Variants in POM121 observed in about 807,000 individuals in gnomAD.
The protein encoded by POM121 is nuclear envelope pore membrane protein POM 121.
POM121 carries 32 observed loss-of-function variants against 81.3 expected under a neutral mutation model. The ratio of observed to expected loss-of-function variants is 0.39; its 90% CI spans 0.30 to 0.53. The LOEUF (loss-of-function observed/expected upper bound fraction) is 0.53, where lower values mean the gene tolerates loss of function less well. POM121 is among the 20% of genes least tolerant of loss of function. The probability of loss-of-function intolerance (pLI) is 0.66; values close to 1 mark genes in which losing one functional copy is unlikely to be tolerated. For synonymous variants in POM121, 514 were observed against 694.2 expected, an observed-to-expected ratio of 0.74 and a Z score of 4.08; for missense variants, 1,138 against 1,614.6, an observed-to-expected ratio of 0.70 and a Z score of 5.06.
intron 3 of POM121, among the ~76,000 whole-genome samples, chr7:72,908,544 C>T (rs1442032172): frequency 5.3e-5 from 8 of 152,104 alleles, no homozygotes; most frequent in African/African-American, 9.7e-5. Context: ...AGCAGACAAC[C>T]GGTTTGACCA....
At chr7:72,913,971 ATG>A (rs1554494726) in intron 4 of POM121, 1 of 152,072 alleles carries the variant, frequency 6.6e-6, no homozygotes, top group African/African-American at 2.4e-5. Context: ...GGTCGGGGTT[ATG>A]TCTCTTTTCT....
upstream of POM121, among the ~76,000 whole-genome samples, chr7:72,923,112 A>ACCC (rs1794972064): frequency 1.6e-4 from 7 of 44,770 alleles, no homozygotes; most frequent in Admixed American, 4.8e-4. Flanking sequence ...GCTCCCCCCC[A>ACCC]ACCCCCCCCC....
Position 72,930,009 on chromosome 7 carries a change from C to G in POM121, c.1173C>G (p.Ser391Arg), listed in dbSNP as rs201520935. 2.5e-6 allele frequency: 4 copies of G among 1,614,018 alleles called. No homozygotes were observed. In the East Asian group the frequency reaches 8.9e-5, roughly 36 times the overall value. Residue 391 changes from serine to arginine, a missense_variant, in exon 5 of 13, where the codon AGC becomes AGG. By Grantham distance (110) the Ser-to-Arg change is moderately radical. Transcript: ENST00000434423. ...ACCACTTGAATAAGAGATCCCGAAG[C>G]TCTTCCATGAGCTCCTTGACAGGCG... Reference protein sequence around the residue: ...SDDHLNKRSRSSSMSSLTGAY... With the variant: ...SDDHLNKRSRRSSMSSLTGAY...
rs1390792646 is a variant in POM121 at position 72,881,133 on chromosome 7, C to T, written c.-521+1248C>T. 4.8e-5 allele frequency among the ~76,000 whole-genome samples: 7 copies of T among 146,406 alleles called. No individual in the cohort carries two copies. In the East Asian group the frequency reaches 6.0e-4, roughly 13 times the overall value. On this transcript the variant is annotated intron_variant, in intron 1 of 15. Coordinates refer to the POM121 transcript ENST00000395270. Reference sequence around the variant, plus strand: ...AGTCTGGAATGCAACAGCGTGGTCTCGGCTCACTGCAACTTCCACCTCCCA... The same window carrying T: ...AGTCTGGAATGCAACAGCGTGGTCTTGGCTCACTGCAACTTCCACCTCCCA...
At chr7:72,894,696 C>T (rs11762720) in intron 3 of POM121, among the ~76,000 whole-genome samples, 12,804 of 145,534 alleles carry the variant, frequency 0.088, 807 homozygotes, top group Middle Eastern at 0.19. Flanking sequence ...CCGTCCCTGT[C>T]GCCCAGGCTG....
intron 1 of POM121, among the ~76,000 whole-genome samples, chr7:72,925,975 C>G (rs1795402887): frequency 6.6e-6 from 1 of 152,110 alleles, no homozygotes; most frequent in Admixed American, 6.5e-5. Flanking sequence ...TCTCTTCTTT[C>G]CAGTTCTAAA....
chr7:72,902,240 C>G (rs761221815), intron 3 of POM121, among the ~76,000 whole-genome samples: 6 of 146,990 alleles, frequency 4.1e-5, no homozygotes, highest in Non-Finnish European at 9.0e-5. Flanking sequence ...CATTTTTATA[C>G]TTTTCTTTTT....
Position 72,946,822 on chromosome 7 carries a change from A to C in POM121, c.*588A>C. On this transcript the variant is annotated 3_prime_UTR_variant, in exon 13 of 13. Coordinates refer to ENST00000434423, the MANE Select transcript of POM121 (RefSeq NM_001387691.1). ...GCCCTTGAATCTAGCTTTGCCTTGG[A>C]GACCCCAGTGGGTGCTGCTCCTGCC... is the stretch of plus-strand genomic sequence containing the variant. The C allele has an allele frequency of 1.1e-6, 1 of 901,298 alleles. No homozygotes were observed. Among genetic ancestry groups the C allele is most frequent in the Non-Finnish European group, 1.3e-6 (1 of 766,550 alleles). The allele number at this position is 901,298 out of a possible 1,614,324, so 55.8% of individuals were successfully genotyped here.
chr7:72,920,590 A>G (rs1227226811), upstream of POM121, among the ~76,000 whole-genome samples: 37 of 152,068 alleles, frequency 2.4e-4, no homozygotes, highest in African/African-American at 7.5e-4. Flanking sequence ...TCCTGACCTC[A>G]TGATCCGCCC....
intron 1 of POM121, among the ~76,000 whole-genome samples, chr7:72,889,384 C>T (rs1366752030): frequency 2.0e-5 from 3 of 152,222 alleles, no homozygotes; most frequent in African/African-American, 7.2e-5. Flanking sequence ...ATGCAACATG[C>T]TTATTGGGCA....
upstream of POM121, among the ~76,000 whole-genome samples, chr7:72,922,223 A>G (rs1554496095): frequency 1.3e-5 from 2 of 152,076 alleles, no homozygotes; most frequent in Non-Finnish European, 2.9e-5. Context: ...GCTTTTTTGT[A>G]TCAATTGTCC....
intron 4 of POM121, among the ~76,000 whole-genome samples, chr7:72,914,976 C>T (rs1794159431): frequency 6.6e-6 from 1 of 152,174 alleles, no homozygotes; most frequent in Admixed American, 6.6e-5. Flanking sequence ...TTTTTACTTA[C>T]AGGTGGTACC....
intron 3 of POM121, among the ~76,000 whole-genome samples, chr7:72,907,988 A>T (rs191094950): frequency 6.6e-6 from 1 of 152,258 alleles, no homozygotes; most frequent in East Asian, 1.9e-4. Flanking sequence ...CAAGATTGTT[A>T]TGATACAGAT....
upstream of POM121, among the ~76,000 whole-genome samples, chr7:72,923,120 C>G (rs1794978298): frequency 6.7e-6 from 1 of 149,980 alleles, no homozygotes; most frequent in Admixed American, 6.6e-5. Context: ...CCAACCCCCC[C>G]CCCCTTTTTT....
chr7:72,941,400 C>T (rs1461589890), intron 10 of POM121, among the ~76,000 whole-genome samples: 1 of 150,050 alleles, frequency 6.7e-6, no homozygotes, highest in Non-Finnish European at 1.5e-5. Flanking sequence ...CGGCCCAGGC[C>T]TTCACGGCAC....
chr7:72,923,630 C>T (rs1476004807), upstream of POM121, among the ~76,000 whole-genome samples: 5 of 111,578 alleles, frequency 4.5e-5, no homozygotes, highest in East Asian at 5.7e-4. Flanking sequence ...GACGGAGTCT[C>T]GCTCTGTCGC....
At chr7:72,950,473 T>C (rs1797975430), downstream of POM121, 1 of 449,482 alleles carries the variant, frequency 2.2e-6, no homozygotes, top group Admixed American at 3.8e-5. Flanking sequence ...GAGGATTCAA[T>C]GAGCCAATAT....
chr7:72,945,670 C>G lies in POM121; in HGVS notation c.3614C>G (p.Ser1205Ter). 6.2e-7 allele frequency: 1 copy of G among 1,612,500 alleles called. No homozygotes were observed. The highest frequency in any genetic ancestry group is 8.5e-7 in the Non-Finnish European group (1 of 1,179,156). The part of the protein sequence containing the change: ...SGSSLSFGAS[S>*]APAQGFVGVA... ...AGCAGCCTCTCCTTTGGGGCATCCT[C>G]AGCACCCGCCCAAGGCTTTGTTGGT... The change falls in exon 12 of 13, where the codon TCA becomes TGA. Residue 1205 changes from serine (S) to a stop codon, truncating the protein, a stop_gained. Coordinates refer to ENST00000434423, the MANE Select transcript of POM121 (RefSeq NM_001387691.1). LOFTEE classifies it high-confidence loss of function.
rs1795453482 is a variant in POM121 at position 72,926,442 on chromosome 7, C to T, written c.825C>T (p.Ile275=). 1 of 1,613,850 alleles carries T rather than the reference C, an allele frequency of 6.2e-7. No individual in the cohort carries two copies. Among genetic ancestry groups the T allele is most frequent in the South Asian group, 1.1e-5 (1 of 91,084 alleles). Residue 275 remains isoleucine (I), a synonymous_variant, in exon 2 of 13, where the codon ATC becomes ATT. Coordinates refer to ENST00000434423, the MANE Select transcript of POM121 (RefSeq NM_001387691.1). ...RMVCSPVTVR[I]APPDRRFSRS... ...TGTGTAGCCCAGTGACTGTGAGGAT[C>T]GCCCCTCCTGACAGAAGATTTTCGC...
Sources: allele counts gnomAD v4.1 joint callset (sites outside exome capture counted in the v4.1 genomes callset), GRCh38; gene constraint gnomAD v4.1.1; transcripts MANE v1.5; gene names NCBI Gene and HGNC (gene_info 2026-07-23, HGNC 2026-07-21).